LRRC1: variants seen among roughly 807,000 people sequenced by gnomAD.
LRRC1 encodes the protein leucine rich repeat containing 1, also known as leucine-rich repeat-containing protein 1.
A neutral mutation model predicts 69.9 loss-of-function variants in LRRC1; 28 were observed. The observed-to-expected ratio is 0.40, with a 90% confidence interval of 0.30 to 0.55. The LOEUF (loss-of-function observed/expected upper bound fraction) is 0.55. LRRC1 is among the 20% of genes least tolerant of loss of function. LRRC1 has a pLI of 0.47. For missense variants in LRRC1, 498 were observed against 609.0 expected (o/e 0.82, Z 1.92); for synonymous variants, 236 against 240.2 (o/e 0.98, Z 0.16).
chr6:53,862,078 T>C (rs1474477281), intron 2 of LRRC1, among the ~76,000 whole-genome samples: 1 of 152,152 alleles, frequency 6.6e-6, no homozygotes, highest in Non-Finnish European at 1.5e-5. Context: ...CATTTCTGGA[T>C]CAAAGCATTC....
intron 1 of LRRC1, among the ~76,000 whole-genome samples, chr6:53,836,898 T>C (rs1765627532): frequency 6.6e-6 from 1 of 152,226 alleles, no homozygotes; most frequent in South Asian, 2.1e-4. Context: ...GCTTATCCTT[T>C]TGGGTTTTAT....
At chr6:53,856,870 A>G (rs1766326294) in intron 2 of LRRC1, among the ~76,000 whole-genome samples, 1 of 152,090 alleles carries the variant, frequency 6.6e-6, no homozygotes, top group African/African-American at 2.4e-5. Context: ...TTGAGAGGGG[A>G]TCAGTAGAAG....
Position 53,840,897 on chromosome 6 carries a change from TGTGTGTGTG to T in LRRC1, c.160-1212_160-1204del, listed in dbSNP as rs1178683046. Among the ~76,000 whole-genome samples, 3 of 131,422 alleles carry T rather than the reference TGTGTGTGTG, an allele frequency of 2.3e-5. No homozygotes were observed. In the Admixed American group the frequency reaches 2.5e-4, roughly 11 times the overall value. The allele number at this position is 131,422 out of a possible 152,430, so 86.2% of individuals were successfully genotyped here. On this transcript the variant is annotated intron_variant, in intron 1 of 13. Coordinates refer to ENST00000370888, the MANE Select transcript of LRRC1 (RefSeq NM_018214.5). Reference sequence around the variant, plus strand: ...GGGGGTATGTGTTTGTGTGTGTGTGTGTGTGTGTGTGTGTGTGTGTGTGTGTGTGTGCGT... The same window carrying T: ...GGGGGTATGTGTTTGTGTGTGTGTGTTGTGTGTGTGTGTGTGTGTGTGCGT...
rs991603084 is a variant in LRRC1 at position 53,803,032 on chromosome 6, A to G, written c.159+7617A>G. The stretch of plus-strand genomic sequence containing the variant: ...CCCTTTTCCTGGGGCTCCCAGCGGA[A>G]AAGGAGCACTTTGACTCCACCTCAC... On this transcript the variant is annotated intron_variant, in intron 1 of 13. Coordinates refer to ENST00000370888, the MANE Select transcript of LRRC1 (RefSeq NM_018214.5). Among the ~76,000 whole-genome samples the G allele has an allele frequency of 6.6e-5, 10 of 152,308 alleles. No homozygotes were observed. In the South Asian group the frequency reaches 2.1e-3, roughly 32 times the overall value.
At chr6:53,880,411 TA>T (rs1225789599) in intron 3 of LRRC1, among the ~76,000 whole-genome samples, 2 of 152,230 alleles carry the variant, frequency 1.3e-5, no homozygotes, top group Admixed American at 6.5e-5. Context: ...CTCTATAAGA[TA>T]AAGTCAGAGC....
intron 10 of LRRC1, among the ~76,000 whole-genome samples, chr6:53,912,950 G>C (rs1043940433): frequency 7.9e-5 from 12 of 152,144 alleles, no homozygotes; most frequent in African/African-American, 2.7e-4. Context: ...AGAATGTTGT[G>C]TCTGGGATCA....
chr6:53,815,476 G>T (rs75956273), intron 1 of LRRC1, among the ~76,000 whole-genome samples: 1 of 152,006 alleles, frequency 6.6e-6, no homozygotes, highest in South Asian at 2.1e-4. Flanking sequence ...CCACTTTAGG[G>T]CCTTTTTCTC....
chr6:53,904,332 T>C (rs779710037), intron 9 of LRRC1, 47 bp from the exon 10 acceptor site: 15 of 1,130,294 alleles, frequency 1.3e-5, no homozygotes, highest in Admixed American at 1.8e-5. Context: ...CTGTGAGCCA[T>C]GTTAAAAATG....
intron 2 of LRRC1, among the ~76,000 whole-genome samples, chr6:53,847,740 G>A (rs12206209): frequency 0.12 from 18,002 of 152,182 alleles, 1,306 homozygotes; most frequent in Non-Finnish European, 0.17. Context: ...CTATGGATTT[G>A]TTTCATAAGA....
chr6:53,812,194 C>T lies in LRRC1; in HGVS notation c.159+16779C>T, dbSNP rs184320671. On this transcript the variant is annotated intron_variant, in intron 1 of 13. Coordinates refer to ENST00000370888, the MANE Select transcript of LRRC1 (RefSeq NM_018214.5). Reference sequence around the variant, plus strand: ...AGGGAGAGGAGTGTCTTGTTAGACACTGATTTAGAGCGCTCAGCCTAATGG... The same window carrying T: ...AGGGAGAGGAGTGTCTTGTTAGACATTGATTTAGAGCGCTCAGCCTAATGG... Among the ~76,000 whole-genome samples the T allele has an allele frequency of 2.6e-3, 389 of 152,276 alleles. 1 individual carries two copies. Among genetic ancestry groups the T allele is most frequent in the African/African-American group, 8.7e-3 (361 of 41,554 alleles).
At chr6:53,902,877 A>G in intron 9 of LRRC1, 130 bp downstream of exon 9, 1 of 609,308 alleles carries the variant, frequency 1.6e-6, no homozygotes, top group East Asian at 2.7e-5. Context: ...CAAATGCATG[A>G]CCTAAAGATC....
chr6:53,837,119 A>G (rs1765634301), intron 1 of LRRC1, among the ~76,000 whole-genome samples: 1 of 152,032 alleles, frequency 6.6e-6, no homozygotes, highest in East Asian at 1.9e-4. Context: ...CAGATCCACT[A>G]TTTATGGGTG....
At position 53,795,208 on chromosome 6, in the gene LRRC1, C is replaced by G; in HGVS notation, c.-49C>G. ...GCCGCCGGCCAGAGCGGGCTCGGAG[C>G]CCGGGTCTCCGCCGCTCGGGACCCG... On this transcript the variant is annotated 5_prime_UTR_variant, in exon 1 of 14. Coordinates refer to ENST00000370888, the MANE Select transcript of LRRC1 (RefSeq NM_018214.5). 1 of 1,528,086 alleles carries G rather than the reference C, an allele frequency of 6.5e-7. No homozygotes were observed. The highest frequency in any genetic ancestry group is 8.8e-7 in the Non-Finnish European group (1 of 1,139,506). The allele number at this position is 1,528,086 out of a possible 1,614,324, so 94.7% of individuals were successfully genotyped here.
At chr6:53,871,828 C>G (rs1010444783) in intron 2 of LRRC1, among the ~76,000 whole-genome samples, 6 of 152,092 alleles carry the variant, frequency 3.9e-5, no homozygotes, top group African/African-American at 1.4e-4. Flanking sequence ...CCACCATGCC[C>G]AGCTAATTTT....
At chr6:53,865,374 C>T (rs146362811) in intron 2 of LRRC1, among the ~76,000 whole-genome samples, 37 of 152,150 alleles carry the variant, frequency 2.4e-4, no homozygotes, top group African/African-American at 8.2e-4. Context: ...AAAACACAAA[C>T]GTAATTAGAC....
At chr6:53,836,481 CATT>C (rs1432030716) in intron 1 of LRRC1, among the ~76,000 whole-genome samples, 1 of 152,076 alleles carries the variant, frequency 6.6e-6, no homozygotes, top group Middle Eastern at 3.2e-3. Context: ...TTATCATTAT[CATT>C]GTTGTTTTGG....
chr6:53,865,298 T>C (rs1766662039), intron 2 of LRRC1, among the ~76,000 whole-genome samples: 1 of 152,124 alleles, frequency 6.6e-6, no homozygotes, highest in Non-Finnish European at 1.5e-5. Context: ...ATGAGAAGCA[T>C]GAGAAGGAAA....
intron 1 of LRRC1, among the ~76,000 whole-genome samples, chr6:53,834,148 G>C (rs1242066596): frequency 6.6e-6 from 1 of 152,070 alleles, no homozygotes; most frequent in East Asian, 1.9e-4. Context: ...TTTGTCTTCT[G>C]CTTTCCCTGT....
intron 1 of LRRC1, among the ~76,000 whole-genome samples, chr6:53,800,030 G>C (rs760315106): frequency 6.6e-6 from 1 of 152,100 alleles, no homozygotes; most frequent in Non-Finnish European, 1.5e-5. Context: ...GAGAGCAGAG[G>C]TACTGGATTC....
Sources: gnomAD v4.1 joint callset for allele counts (sites outside exome capture counted in the v4.1 genomes callset) on GRCh38, gnomAD v4.1.1 for gene constraint, MANE v1.5 for transcripts, NCBI Gene and HGNC (gene_info 2026-07-23, HGNC 2026-07-21) for gene names.